The following CFDP1 variants were observed in gnomAD, a reference collection of about 807,000 sequenced individuals.
The protein encoded by CFDP1 is chromatin remodeling protein CFDP1.
A neutral mutation model predicts 40.1 loss-of-function variants in CFDP1; 31 were observed. That is an observed-to-expected ratio of 0.77 (90% CI 0.58 to 1.04). The LOEUF (loss-of-function observed/expected upper bound fraction) is 1.04, where lower values mean the gene tolerates loss of function less well. CFDP1 is among the 50% of genes least tolerant of loss of function. CFDP1 has a pLI of 0.00. For missense variants in CFDP1, 423 were observed against 343.4 expected (o/e 1.23, Z -1.83); for synonymous variants, 167 against 120.0 (o/e 1.39, Z -2.56).
intron 5 of CFDP1, among the ~76,000 whole-genome samples, chr16:75,336,024 T>G (rs901605656): frequency 2.6e-5 from 4 of 152,162 alleles, no homozygotes; most frequent in Non-Finnish European, 5.9e-5. Context: ...GAAAATAATC[T>G]AAATGAAATT....
intron 5 of CFDP1, among the ~76,000 whole-genome samples, chr16:75,314,365 G>A (rs2078312296): frequency 6.6e-6 from 1 of 152,102 alleles, no homozygotes. Flanking sequence ...GAGAAGCCAG[G>A]AACAAAGGAC....
At chr16:75,329,447 A>C (rs1299468027) in intron 5 of CFDP1, among the ~76,000 whole-genome samples, 1 of 152,180 alleles carries the variant, frequency 6.6e-6, no homozygotes, top group Admixed American at 6.5e-5. Flanking sequence ...GTTAAAAAAA[A>C]AATCCGTGAT....
chr16:75,349,650 CAAAAAAAAAAAAAAAAAAAAAAAA>C (rs61472076), intron 5 of CFDP1, among the ~76,000 whole-genome samples: 6 of 23,242 alleles, frequency 2.6e-4, no homozygotes, highest in African/African-American at 2.7e-4. Context: ...GACTCCGTCT[CAAAAAAAAAAAAAAAAAAAAAAAA>C]AAAAAAAAAA....
chr16:75,431,022 A>G (rs1224195539), intron 1 of CFDP1, among the ~76,000 whole-genome samples: 2 of 152,186 alleles, frequency 1.3e-5, no homozygotes, highest in East Asian at 1.9e-4. Flanking sequence ...TACAGCAGTT[A>G]AGTACATAGA....
intron 5 of CFDP1, among the ~76,000 whole-genome samples, chr16:75,382,652 G>A (rs1298224890): frequency 6.6e-6 from 1 of 152,198 alleles, no homozygotes; most frequent in Non-Finnish European, 1.5e-5. Flanking sequence ...AAAAGCAGAC[G>A]TGATGCTTGT....
At chr16:75,312,838 G>A (rs1299665940) in intron 5 of CFDP1, among the ~76,000 whole-genome samples, 1 of 152,070 alleles carries the variant, frequency 6.6e-6, no homozygotes, top group Non-Finnish European at 1.5e-5. Context: ...ACTAAGACAT[G>A]GACTGTTTTC....
chr16:75,394,985 T>G (rs2078984054), intron 5 of CFDP1, 105 bp downstream of exon 5: 8 of 1,359,570 alleles, frequency 5.9e-6, no homozygotes, highest in Non-Finnish European at 8.1e-6. Context: ...GCATCATAAT[T>G]CTCTCTCTCA....
chr16:75,394,864 T>C (rs1405659472), intron 5 of CFDP1: 1 of 418,092 alleles, frequency 2.4e-6, no homozygotes, highest in Non-Finnish European at 4.3e-6. Flanking sequence ...TCTTACTGTA[T>C]TGCCCAGGCT....
intron 5 of CFDP1, among the ~76,000 whole-genome samples, chr16:75,386,376 G>C (rs139507488): frequency 6.6e-6 from 1 of 152,128 alleles, no homozygotes; most frequent in East Asian, 1.9e-4. Flanking sequence ...TATTCAATCC[G>C]AACTGACAGA....
At chr16:75,427,266 T>G (rs946081618) in intron 1 of CFDP1, among the ~76,000 whole-genome samples, 2 of 152,056 alleles carry the variant, frequency 1.3e-5, no homozygotes, top group African/African-American at 2.4e-5. Flanking sequence ...TTCTTTTTTT[T>G]TCGAGACAGT....
chr16:75,427,589 A>G (rs1196245007), intron 1 of CFDP1, among the ~76,000 whole-genome samples: 1 of 151,876 alleles, frequency 6.6e-6, no homozygotes, highest in African/African-American at 2.4e-5. Context: ...CAAAAACAAA[A>G]AAATCTGACC....
intron 5 of CFDP1, 199 bp from the exon 6 acceptor site, chr16:75,305,381 C>T: frequency 1.7e-6 from 1 of 574,008 alleles, no homozygotes; most frequent in Non-Finnish European, 3.1e-6. Flanking sequence ...TCCTGCTTAA[C>T]ACCACTGTCT....
intron 1 of CFDP1, among the ~76,000 whole-genome samples, chr16:75,431,347 A>T (rs2079412193): frequency 6.8e-6 from 1 of 146,814 alleles, no homozygotes; most frequent in Non-Finnish European, 1.5e-5. Context: ...CCAGCTACTC[A>T]GGAGGCTGAG....
At chr16:75,403,179 T>C (rs1028859914) in intron 4 of CFDP1, among the ~76,000 whole-genome samples, 4 of 152,230 alleles carry the variant, frequency 2.6e-5, no homozygotes, top group Non-Finnish European at 4.4e-5. Context: ...ACAACTATAA[T>C]AGTATTTACT....
rs73617850 is a variant in CFDP1, at chr16:75,339,599, A to T, written c.651-34417T>A. On this transcript the variant is annotated intron_variant, in intron 5 of 6. Coordinates refer to ENST00000283882, the MANE Select transcript of CFDP1 (RefSeq NM_006324.3). ...TCTCCATCGGTTACAGGGGAAGGGCAGGATATGCAGGGCTTCTGGACTCTG... is the reference window on the plus strand; with the variant it reads ...TCTCCATCGGTTACAGGGGAAGGGCTGGATATGCAGGGCTTCTGGACTCTG... Among the ~76,000 whole-genome samples the T allele has an allele frequency of 7.1e-3, 1,079 of 152,336 alleles. 10 individuals carry two copies. Among genetic ancestry groups the T allele is most frequent in the African/African-American group, 0.025 (1,041 of 41,572 alleles).
At chr16:75,410,669 G>A (rs1444055254) in intron 4 of CFDP1, among the ~76,000 whole-genome samples, 1 of 151,988 alleles carries the variant, frequency 6.6e-6, no homozygotes, top group Non-Finnish European at 1.5e-5. Flanking sequence ...AGCACTTTGG[G>A]AGGCCGAGGC....
At chr16:75,336,057 G>A (rs1020744660) in intron 5 of CFDP1, among the ~76,000 whole-genome samples, 1 of 152,180 alleles carries the variant, frequency 6.6e-6, no homozygotes, top group Non-Finnish European at 1.5e-5. Flanking sequence ...CCCCAAATAA[G>A]TGGGGAAAAA....
At chr16:75,364,468 C>T (rs954608553) in intron 5 of CFDP1, among the ~76,000 whole-genome samples, 1 of 152,114 alleles carries the variant, frequency 6.6e-6, no homozygotes, top group African/African-American at 2.4e-5. Flanking sequence ...ATTTTCATGA[C>T]AACACGAAGA....
At chr16:75,409,443 G>GCA (rs2079136002) in intron 4 of CFDP1, 1 of 152,138 alleles carries the variant, frequency 6.6e-6, no homozygotes, top group East Asian at 1.9e-4. Flanking sequence ...ACAAAGAGAG[G>GCA]CAGTAGGGTA....
Sources: allele counts gnomAD v4.1 joint callset (sites outside exome capture counted in the v4.1 genomes callset), GRCh38; gene constraint gnomAD v4.1.1; transcripts MANE v1.5; gene names NCBI Gene and HGNC (gene_info 2026-07-23, HGNC 2026-07-21).